Variants in MACROD2 observed in about 807,000 individuals in gnomAD.
MACROD2 encodes ADP-ribose glycohydrolase MACROD2.
In MACROD2, 36 loss-of-function variants were observed where a neutral mutation model predicts 70.4. The observed-to-expected ratio is 0.51, with a 90% CI of 0.39 to 0.68. The LOEUF is 0.68. MACROD2 is among the 30% of genes least tolerant of loss of function. MACROD2 has a pLI of 0.00. For synonymous variants in MACROD2, 172 were observed against 178.8 expected, an observed-to-expected ratio of 0.96 and a Z score of 0.30; for missense variants, 496 against 538.4, an observed-to-expected ratio of 0.92 and a Z score of 0.78.
intron 4 of MACROD2, among the ~76,000 whole-genome samples, chr20:14,648,276 A>G (rs1337575780): frequency 6.6e-6 from 1 of 152,184 alleles, no homozygotes; most frequent in East Asian, 1.9e-4. Flanking sequence ...ACTATTCTAC[A>G]GAAACACAGA....
rs190544807 is a variant in MACROD2 at position 15,232,845 on chromosome 20, A to G, written c.540+2784A>G. On this transcript the variant is annotated intron_variant, in intron 6 of 17. Transcript: ENST00000684519. ...CTTTAGGATCACAGCACAGGATCCA[A>G]CATATATATTCTTATTCTTATTTTA... Among the ~76,000 whole-genome samples the G allele has an allele frequency of 3.2e-3, 484 of 152,230 alleles. 14 individuals carry two copies. The highest frequency in any genetic ancestry group is 3.2e-4 in the Non-Finnish European group (22 of 67,948).
At chr20:15,018,206 C>A (rs571571615) in intron 5 of MACROD2, among the ~76,000 whole-genome samples, 1 of 152,258 alleles carries the variant, frequency 6.6e-6, no homozygotes, top group African/African-American at 2.4e-5. Flanking sequence ...ATTTCTCCCG[C>A]CAGATACCTT....
At chr20:15,172,493 C>A (rs560417385) in intron 5 of MACROD2, among the ~76,000 whole-genome samples, 2 of 152,276 alleles carry the variant, frequency 1.3e-5, no homozygotes, top group South Asian at 2.1e-4. Context: ...CTCGAGCTAT[C>A]CTCCTGCCTC....
chr20:15,667,491 C>G (rs201636154), intron 8 of MACROD2, among the ~76,000 whole-genome samples: 19 of 109,042 alleles, frequency 1.7e-4, no homozygotes, highest in South Asian at 3.4e-4. Flanking sequence ...ATCTATGTAT[C>G]TATCTATGTA....
chr20:14,547,114 T>A (rs1270464111), intron 4 of MACROD2: 1 of 164,626 alleles, frequency 6.1e-6, no homozygotes, highest in Non-Finnish European at 1.3e-5. Flanking sequence ...CCCTGCCTCT[T>A]TGGGCTCAGT....
At chr20:15,421,583 A>T (rs1164499881) in intron 6 of MACROD2, among the ~76,000 whole-genome samples, 2 of 151,702 alleles carry the variant, frequency 1.3e-5, no homozygotes, top group Non-Finnish European at 2.9e-5. Context: ...TACTACATGA[A>T]AAAAGGCAAG....
At chr20:14,610,902 T>G (rs1326594858) in intron 4 of MACROD2, among the ~76,000 whole-genome samples, 1 of 152,164 alleles carries the variant, frequency 6.6e-6, no homozygotes, top group Non-Finnish European at 1.5e-5. Context: ...GGTTTATAAT[T>G]CAAGCATTAG....
chr20:14,659,871 C>T (rs1316414924), intron 4 of MACROD2, among the ~76,000 whole-genome samples: 1 of 152,152 alleles, frequency 6.6e-6, no homozygotes, highest in Non-Finnish European at 1.5e-5. Context: ...AACGTTGTTG[C>T]TTTATGTTTT....
chr20:14,998,826 G>T (rs909647436), intron 5 of MACROD2, among the ~76,000 whole-genome samples: 4 of 152,146 alleles, frequency 2.6e-5, no homozygotes, highest in Non-Finnish European at 4.4e-5. Flanking sequence ...CTACATCAAG[G>T]CATTTAATAG....
intron 2 of MACROD2, among the ~76,000 whole-genome samples, chr20:14,029,149 T>C (rs79617266): frequency 6.6e-6 from 1 of 151,702 alleles, no homozygotes; most frequent in East Asian, 1.9e-4. Context: ...TGTTGAGAGG[T>C]TGCAATTGTC....
intron 5 of MACROD2, among the ~76,000 whole-genome samples, chr20:15,053,130 A>G (rs950225331): frequency 1.3e-5 from 2 of 152,230 alleles, no homozygotes; most frequent in Admixed American, 6.5e-5. Context: ...GAAAGAAGCC[A>G]TCTCTGTAAC....
At chr20:15,984,332 A>G (rs575622400) in intron 13 of MACROD2, among the ~76,000 whole-genome samples, 63 of 152,220 alleles carry the variant, frequency 4.1e-4, no homozygotes, top group Admixed American at 1.2e-3. Context: ...AATGTAGGTA[A>G]AAATCCACAT....
chr20:14,621,788 T>G (rs1371125047), intron 4 of MACROD2: 1 of 152,160 alleles, frequency 6.6e-6, no homozygotes, highest in Non-Finnish European at 1.5e-5. Flanking sequence ...GAAGTGTGTT[T>G]CTAGGTACAT....
intron 5 of MACROD2, among the ~76,000 whole-genome samples, chr20:15,081,014 T>C (rs2075699240): frequency 6.6e-6 from 1 of 152,142 alleles, no homozygotes; most frequent in Non-Finnish European, 1.5e-5. Flanking sequence ...TCTACTCCAC[T>C]AGAACATAAG....
At chr20:15,309,002 G>A (rs932252465) in intron 6 of MACROD2, among the ~76,000 whole-genome samples, 10 of 152,014 alleles carry the variant, frequency 6.6e-5, no homozygotes, top group African/African-American at 1.9e-4. Context: ...TGGGTCTGTC[G>A]CTTCTCTGTC....
intron 15 of MACROD2, among the ~76,000 whole-genome samples, chr20:16,012,882 T>C (rs769414928): frequency 2.5e-4 from 38 of 152,096 alleles, no homozygotes; most frequent in Non-Finnish European, 4.1e-4. Flanking sequence ...AGATAACCAA[T>C]AGAAGAGCTA....
chr20:14,227,142 G>T (rs982560650), intron 3 of MACROD2, among the ~76,000 whole-genome samples: 3 of 152,124 alleles, frequency 2.0e-5, no homozygotes, highest in African/African-American at 4.8e-5. Flanking sequence ...ACTCTGGTGG[G>T]GCCTTGGAGA....
intron 2 of MACROD2, among the ~76,000 whole-genome samples, chr20:14,052,623 A>G (rs936142852): frequency 4.6e-5 from 7 of 152,108 alleles, no homozygotes; most frequent in Non-Finnish European, 8.8e-5. Flanking sequence ...AATACCAGAA[A>G]CTTAAGTGCC....
chr20:14,731,883 A>T (rs1210086587), intron 5 of MACROD2, among the ~76,000 whole-genome samples: 2 of 152,198 alleles, frequency 1.3e-5, no homozygotes, highest in Non-Finnish European at 2.9e-5. Context: ...AAAGATTTAA[A>T]CAATGCCATT....
Sources: allele counts gnomAD v4.1 joint callset (sites outside exome capture counted in the v4.1 genomes callset), GRCh38; gene constraint gnomAD v4.1.1; transcripts MANE v1.5; gene names NCBI Gene and HGNC (gene_info 2026-07-23, HGNC 2026-07-21).